Variants in ACSL6 observed in about 807,000 individuals in gnomAD.
ACSL6 encodes the protein long-chain-fatty-acid--CoA ligase 6.
ACSL6 carries 47 observed loss-of-function variants against 98.2 expected under a neutral mutation model. That is an observed-to-expected ratio of 0.48 (90% CI 0.38 to 0.61). The LOEUF is 0.61. Ranked by LOEUF, ACSL6 falls within the 20% of genes least tolerant of loss-of-function variation. The pLI, the probability that ACSL6 is intolerant of heterozygous loss-of-function variation, is 0.00. For missense variants in ACSL6, 761 were observed against 913.4 expected (o/e 0.83, Z 2.15); for synonymous variants, 362 against 336.9 (o/e 1.07, Z -0.82).
intron 6 of ACSL6, 55 bp downstream of exon 6, chr5:131,988,743 AGCTGGAG>A (rs1197927064): frequency 1.3e-6 from 2 of 1,579,672 alleles, no homozygotes; most frequent in Non-Finnish European, 8.7e-7. Flanking sequence ...TAACCTGAGA[AGCTGGAG>A]GCTGGAGGCT....
intron 9 of ACSL6, among the ~76,000 whole-genome samples, chr5:131,980,261 T>C (rs959377368): frequency 1.3e-5 from 2 of 152,168 alleles, no homozygotes; most frequent in Non-Finnish European, 2.9e-5. Context: ...GGCTCTCAAA[T>C]CTTTAGGTCT....
intron 19 of ACSL6, 94 bp from the exon 20 acceptor site, chr5:131,959,701 G>A: frequency 8.2e-7 from 1 of 1,222,340 alleles, no homozygotes. Flanking sequence ...TACAACTGAT[G>A]ATTGTGCCAA....
At chr5:131,978,152 C>T (rs1367806838) in intron 9 of ACSL6, among the ~76,000 whole-genome samples, 1 of 152,216 alleles carries the variant, frequency 6.6e-6, no homozygotes, top group African/African-American at 2.4e-5. Flanking sequence ...GAACATCAGT[C>T]TTAGAGAGCA....
intron 9 of ACSL6, among the ~76,000 whole-genome samples, chr5:131,979,041 T>C (rs1753767441): frequency 6.6e-6 from 1 of 152,230 alleles, no homozygotes; most frequent in Non-Finnish European, 1.5e-5. Flanking sequence ...TGTCAAAATA[T>C]CTTCCTTTTG....
chr5:131,974,423 T>C (rs1389066475), intron 11 of ACSL6, among the ~76,000 whole-genome samples: 1 of 152,234 alleles, frequency 6.6e-6, no homozygotes, highest in Non-Finnish European at 1.5e-5. Context: ...GGAACATAAG[T>C]GTTTTGGTCA....
chr5:131,990,555 C>A (rs977037476), intron 3 of ACSL6, among the ~76,000 whole-genome samples: 12 of 152,132 alleles, frequency 7.9e-5, no homozygotes, highest in African/African-American at 2.9e-4. Context: ...AGGTTCAGAA[C>A]CATGCCAGCC....
intron 2 of ACSL6, 90 bp from the exon 3 acceptor site, chr5:131,991,057 C>T (rs1485193236): frequency 1.0e-5 from 11 of 1,100,032 alleles, no homozygotes; most frequent in South Asian, 3.9e-5. Flanking sequence ...GTACCCAGCT[C>T]GGATGTACAA....
intron 17 of ACSL6, among the ~76,000 whole-genome samples, chr5:131,964,701 C>A (rs557725201): frequency 2.6e-5 from 4 of 152,332 alleles, no homozygotes; most frequent in African/African-American, 9.6e-5. Flanking sequence ...GAAGCCTAAG[C>A]TCCCTGAGCC....
intron 10 of ACSL6, chr5:131,975,733 G>A (rs1753578522): frequency 1.0e-6 from 1 of 985,362 alleles, no homozygotes; most frequent in Admixed American, 6.1e-5. Context: ...TCCAGCCAGG[G>A]GAGCCCTGCA....
chr5:131,985,079 G>A (rs916884956), intron 9 of ACSL6: 6 of 345,180 alleles, frequency 1.7e-5, no homozygotes, highest in Non-Finnish European at 2.8e-5. Context: ...AAGCAGGGGA[G>A]TGAGAGCTGT....
rs548729525 is a variant in ACSL6 at position 131,998,979 on chromosome 5, T to C, written c.50-4728A>G. Among the ~76,000 whole-genome samples the C allele has an allele frequency of 1.6e-4, 25 of 152,180 alleles. No homozygotes were observed. In the East Asian group the frequency reaches 4.1e-3, roughly 25 times the overall value. ...TCTAATAGGGGTTCATATGATGGAG[T>C]TCTGGGCCTCTGCAAACTTCTGAGG... On this transcript the variant is annotated intron_variant, in intron 1 of 20. Transcript: ENST00000651883.
At chr5:131,978,830 T>A (rs1438201615) in intron 9 of ACSL6, among the ~76,000 whole-genome samples, 1 of 152,186 alleles carries the variant, frequency 6.6e-6, no homozygotes, top group Non-Finnish European at 1.5e-5. Flanking sequence ...GGTGACCCAT[T>A]TGTCAGAGAT....
intron 9 of ACSL6, chr5:131,983,050 T>C (rs1431094400): frequency 6.6e-6 from 1 of 152,356 alleles, no homozygotes; most frequent in East Asian, 1.9e-4. Context: ...GACTGAAAGT[T>C]ATGTTTTTTA....
chr5:131,999,244 G>T, intron 1 of ACSL6, among the ~76,000 whole-genome samples: 1 of 152,338 alleles, frequency 6.6e-6, no homozygotes, highest in Non-Finnish European at 1.5e-5. Flanking sequence ...AGGTCACTTT[G>T]CCCCTCTGGG....
intron 1 of ACSL6, among the ~76,000 whole-genome samples, chr5:131,997,280 G>C (rs1331839673): frequency 6.6e-6 from 1 of 152,214 alleles, no homozygotes; most frequent in Non-Finnish European, 1.5e-5. Flanking sequence ...TGGGAGAACA[G>C]AGGCTCCACT....
intron 9 of ACSL6, chr5:131,982,005 CG>C (rs1753921810): frequency 6.6e-6 from 1 of 152,056 alleles, no homozygotes; most frequent in African/African-American, 2.4e-5. Context: ...TACAGGCATG[CG>C]CCACCACACT....
At chr5:131,981,581 T>C (rs1033635254) in intron 9 of ACSL6, among the ~76,000 whole-genome samples, 3 of 152,206 alleles carry the variant, frequency 2.0e-5, no homozygotes, top group African/African-American at 7.2e-5. Flanking sequence ...TTTTATAATT[T>C]TATATGAAAG....
At chr5:132,002,729 T>A (rs1392983526) in intron 1 of ACSL6, among the ~76,000 whole-genome samples, 1 of 152,070 alleles carries the variant, frequency 6.6e-6, no homozygotes, top group Non-Finnish European at 1.5e-5. Context: ...GGTTGGTAAG[T>A]CACAGGAAGA....
At chr5:131,988,939 G>C (rs375109594) in intron 5 of ACSL6, 35 bp from the exon 6 acceptor site, 1 of 1,590,622 alleles carries the variant, frequency 6.3e-7, no homozygotes, top group East Asian at 2.2e-5. Context: ...TGGGGAAGAA[G>C]GGGAGATTAG....
Sources: allele counts gnomAD v4.1 joint callset (sites outside exome capture counted in the v4.1 genomes callset), GRCh38; gene constraint gnomAD v4.1.1; transcripts MANE v1.5; gene names NCBI Gene and HGNC (gene_info 2026-07-23, HGNC 2026-07-21).